Variants in VPS53 observed in about 807,000 individuals in gnomAD.
The protein encoded by VPS53 is VPS53 subunit of GARP complex.
VPS53 carries 70 observed loss-of-function variants against 107.0 expected under a neutral mutation model. That is an observed-to-expected ratio of 0.65 (90% confidence interval 0.54 to 0.80). The LOEUF (loss-of-function observed/expected upper bound fraction) is 0.80. Among genes scored for constraint, VPS53 ranks in the 30% least tolerant of loss-of-function variants. The pLI is 0.00. For synonymous variants in VPS53, 409 were observed against 393.3 expected, an observed-to-expected ratio of 1.04 and a Z score of -0.47; for missense variants, 917 against 1,049.4, an observed-to-expected ratio of 0.87 and a Z score of 1.74.
At chr17:713,153 G>C (rs1162771970) in intron 1 of VPS53, among the ~76,000 whole-genome samples, 1 of 151,348 alleles carries the variant, frequency 6.6e-6, no homozygotes, top group African/African-American at 2.4e-5. Flanking sequence ...AGTGAGCTAC[G>C]ATTATGCCAC....
In VPS53 at chr17:657,004, C is replaced by T. The variant is rs778438903; in HGVS notation, c.373-1051G>A. On this transcript the variant is annotated intron_variant, in intron 5 of 21. Coordinates refer to ENST00000437048, the MANE Select transcript of VPS53 (RefSeq NM_001128159.3). The stretch of plus-strand genomic sequence containing the variant: ...CCGGGTACCTCTCTCTGTTGGGGAT[C>T]ACACCAACTCTTCCCAGGTGAGCAC... 5.5e-5 allele frequency: 48 copies of T among 868,664 alleles called. 1 individual carries two copies. The Admixed American group carries it at 7.0e-4, about 13-fold the overall frequency. The allele number at this position is 868,664 out of a possible 1,614,324, so 53.8% of individuals were successfully genotyped here.
chr17:553,604 CT>C, intron 15 of VPS53, 142 bp from the exon 16 acceptor site: 2 of 663,452 alleles, frequency 3.0e-6, no homozygotes, highest in South Asian at 3.9e-5. Context: ...GAGACTCGCT[CT>C]TGTTGCCTAG....
chr17:516,731 T>C lies in VPS53; in HGVS notation c.*2397A>G, dbSNP rs898573939. The C allele has an allele frequency of 2.0e-5, 3 of 152,258 alleles. No individual in the cohort carries two copies. Among genetic ancestry groups the C allele is most frequent in the Non-Finnish European group, 4.4e-5 (3 of 68,068 alleles). The allele number at this position is 152,258 out of a possible 1,614,324, so 9.4% of individuals were successfully genotyped here. A position where few individuals can be genotyped will look rare whatever the true frequency, so the allele number is the denominator to read the frequency against. On this transcript the variant is annotated 3_prime_UTR_variant, in exon 22 of 22. Coordinates refer to ENST00000437048, the MANE Select transcript of VPS53 (RefSeq NM_001128159.3). The stretch of plus-strand genomic sequence containing the variant: ...CCCCAGAAGAGAAACACAGCGTCTC[T>C]ACACAGTACTGAGTCCCCATCAAGG...
intron 13 of VPS53, among the ~76,000 whole-genome samples, chr17:573,675 C>T (rs915105763): frequency 3.3e-5 from 5 of 152,102 alleles, no homozygotes; most frequent in Non-Finnish European, 5.9e-5. Flanking sequence ...TCCATGAGGT[C>T]GGCCTTATGA....
intron 1 of VPS53, among the ~76,000 whole-genome samples, chr17:713,522 G>C (rs1048979486): frequency 1.3e-5 from 2 of 150,454 alleles, no homozygotes; most frequent in Admixed American, 6.6e-5. Context: ...GCATGGTAGC[G>C]GTTGCCTGTA....
At chr17:527,397 A>C (rs1909205042) in intron 19 of VPS53, among the ~76,000 whole-genome samples, 1 of 152,150 alleles carries the variant, frequency 6.6e-6, no homozygotes, top group African/African-American at 2.4e-5. Flanking sequence ...ACCTGCTGTG[A>C]ACATTCGTGC....
At chr17:613,907 T>C (rs182891033) in intron 11 of VPS53, among the ~76,000 whole-genome samples, 254 of 152,350 alleles carry the variant, frequency 1.7e-3, no homozygotes, top group African/African-American at 4.4e-3. Flanking sequence ...GACAACAATA[T>C]GTGCATCACC....
chr17:623,472 C>A, intron 11 of VPS53, 61 bp downstream of exon 11: 1 of 1,564,440 alleles, frequency 6.4e-7, no homozygotes. Context: ...ACAGTGAAAC[C>A]CTGAATCCCA....
At chr17:612,263 T>C (rs62056496) in intron 11 of VPS53, among the ~76,000 whole-genome samples, 2 of 115,190 alleles carry the variant, frequency 1.7e-5, no homozygotes, top group Non-Finnish European at 1.9e-5. Flanking sequence ...AATATTCACA[T>C]AGTGAGTTCA....
intron 4 of VPS53, among the ~76,000 whole-genome samples, chr17:683,220 A>C (rs1245230583): frequency 1.3e-5 from 2 of 152,218 alleles, no homozygotes; most frequent in Admixed American, 1.3e-4. Context: ...CACAACAGAA[A>C]CATTTGAAGA....
Position 662,873 on chromosome 17 carries a change from C to CGAAG in VPS53, c.286-982_286-979dup, listed in dbSNP as rs1314091969. Among the ~76,000 whole-genome samples the CGAAG allele has an allele frequency of 9.2e-4, 90 of 98,096 alleles. 1 individual carries two copies. The highest frequency in any genetic ancestry group is 2.3e-3 in the African/African-American group (55 of 24,306). 64.4% of individuals were successfully genotyped at this position (98,096 alleles called of 152,430 possible). On this transcript the variant is annotated intron_variant, in intron 4 of 21. Transcript: ENST00000437048. ...AGGAAGGAAGGAAGGAAGGAAGGAA[C>CGAAG]GAAGGAAGGAAGGAAGGAAGGCAGG...
chr17:526,672 A>AG (rs1909147796), intron 19 of VPS53, among the ~76,000 whole-genome samples: 1 of 152,244 alleles, frequency 6.6e-6, no homozygotes, highest in African/African-American at 2.4e-5. Context: ...TTTCTGCCTC[A>AG]GCGATAATTT....
chr17:663,639 C>T (rs566488454), intron 4 of VPS53, among the ~76,000 whole-genome samples: 6 of 152,330 alleles, frequency 3.9e-5, no homozygotes, highest in South Asian at 4.1e-4. Context: ...CAGCAGGCCA[C>T]GGATGTGTAT....
At chr17:656,964 C>A in intron 5 of VPS53, 1 of 996,514 alleles carries the variant, frequency 1.0e-6, no homozygotes, top group East Asian at 2.4e-5. Context: ...TTCACATGAA[C>A]CACGTCAGAA....
chr17:542,122 G>A (rs1391091126), intron 17 of VPS53, among the ~76,000 whole-genome samples: 2 of 152,246 alleles, frequency 1.3e-5, no homozygotes, highest in African/African-American at 2.4e-5. Flanking sequence ...CTGAAGGAAC[G>A]TTTATCAAGC....
In VPS53 at chr17:564,526, TGA is replaced by T. The variant is rs1427523968; in HGVS notation, c.1314-1783_1314-1782del. Among the ~76,000 whole-genome samples the T allele has an allele frequency of 5.9e-5, 7 of 118,732 alleles. No homozygotes were observed. The Admixed American group carries it at 6.0e-4, about 10-fold the overall frequency. The allele number at this position is 118,732 out of a possible 152,430, so 77.9% of individuals were successfully genotyped here. ...CTGCCCTCCAGCCTGGGCAACAAAG[TGA>T]GACTCTGTCTCAGAAAAAAAAAAAA... On this transcript the variant is annotated intron_variant, in intron 13 of 21. Coordinates refer to ENST00000437048, the MANE Select transcript of VPS53 (RefSeq NM_001128159.3).
chr17:658,381 G>A (rs1340792694), intron 5 of VPS53, among the ~76,000 whole-genome samples: 8 of 146,436 alleles, frequency 5.5e-5, no homozygotes, highest in African/African-American at 2.0e-4. Context: ...TCGGCCGTGA[G>A]TTCGTGGATA....
intron 12 of VPS53, among the ~76,000 whole-genome samples, chr17:599,190 G>A (rs371734216): frequency 2.4e-4 from 34 of 144,252 alleles, no homozygotes; most frequent in Non-Finnish European, 3.5e-4. Flanking sequence ...GCCTCTGCCC[G>A]GCCGCCCCTA....
intron 17 of VPS53, among the ~76,000 whole-genome samples, chr17:539,457 G>A (rs1228027334): frequency 6.6e-6 from 1 of 152,228 alleles, no homozygotes; most frequent in Non-Finnish European, 1.5e-5. Flanking sequence ...CAAAGGCCAA[G>A]TGGATTCATG....
Sources: allele counts gnomAD v4.1 joint callset (sites outside exome capture counted in the v4.1 genomes callset), GRCh38; gene constraint gnomAD v4.1.1; transcripts MANE v1.5; gene names NCBI Gene and HGNC (gene_info 2026-07-23, HGNC 2026-07-21).